Variants in ARHGAP30 observed in about 807,000 individuals in gnomAD.
The protein encoded by ARHGAP30 is Rho GTPase activating protein 30, also known as rho GTPase-activating protein 30.
Under a neutral mutation model 72.0 loss-of-function variants are expected in ARHGAP30, and 23 were observed. That is an observed-to-expected ratio of 0.32 (90% CI 0.23 to 0.45). The LOEUF (loss-of-function observed/expected upper bound fraction) is 0.45. Ranked by LOEUF, ARHGAP30 falls within the 20% of genes least tolerant of loss-of-function variation. The probability of loss-of-function intolerance (pLI) is 1.00; values close to 1 mark genes in which losing one functional copy is unlikely to be tolerated. For missense variants in ARHGAP30, 1,319 were observed against 1,383.4 expected (o/e 0.95, Z 0.74); for synonymous variants, 576 against 528.2 (o/e 1.09, Z -1.24).
rs61748975 is a variant in ARHGAP30 at position 161,048,078 on chromosome 1, C to T, written c.2943G>A (p.Gly981=). ...LDGTPGERAW[G]SRASRSSWRN... ...TCCAAGAGGATCGAGAAGCTCGGGACCCCCAAGCCCTTTCTCCAGGAGTCC... is the reference window on the plus strand; with the variant it reads ...TCCAAGAGGATCGAGAAGCTCGGGATCCCCAAGCCCTTTCTCCAGGAGTCC... Residue 981 remains glycine (G), a synonymous_variant, in exon 12 of 12, where the codon GGG becomes GGA. Coordinates refer to ENST00000368013, the MANE Select transcript of ARHGAP30 (RefSeq NM_001025598.2). 1.8e-4 allele frequency: 294 copies of T among 1,614,168 alleles called. No homozygotes were observed. The African/African-American group carries it at 3.7e-3, about 20-fold the overall frequency.
rs768765374 is a variant in ARHGAP30 at position 161,059,722 on chromosome 1, G to A, written c.98-6C>T. ...GCTCTTTAGCACCTGGGGCACTGGGGACACAGACGGGGCAGAGACATAGAA... is the reference window on the plus strand; with the variant it reads ...GCTCTTTAGCACCTGGGGCACTGGGAACACAGACGGGGCAGAGACATAGAA... On this transcript the variant is annotated splice_polypyrimidine_tract_variant and splice_region_variant and intron_variant, in intron 1 of 11. Transcript: ENST00000368013. 7 of 1,610,504 alleles carry A rather than the reference G, an allele frequency of 4.3e-6. No homozygotes were observed. The South Asian group carries it at 4.4e-5, about 10-fold the overall frequency.
In ARHGAP30 at chr1:161,047,491, G is replaced by A. The variant is rs1650934656; in HGVS notation, c.*224C>T. 2 of 386,354 alleles carry A rather than the reference G, an allele frequency of 5.2e-6. No individual in the cohort carries two copies. The highest frequency in any genetic ancestry group is 2.1e-5 in the African/African-American group (1 of 48,422). 23.9% of individuals were successfully genotyped at this position (386,354 alleles called of 1,614,324 possible). On this transcript the variant is annotated 3_prime_UTR_variant, in exon 12 of 12. Transcript: ENST00000368013. The stretch of plus-strand genomic sequence containing the variant: ...CACTCCCTGGGAACAAGATCTTGTT[G>A]ACTTTCTTGGGAATCTCCTAAGAGA...
chr1:161,049,296 C>T lies in ARHGAP30; in HGVS notation c.1725G>A (p.Leu575=), dbSNP rs372930309. ...EFSVEPPLDD[L]SLDEAQFVLA... is the part of the protein sequence containing the mutation. ...AGACAAACTGTGCCTCATCCAGAGACAGGTCATCCAGGGGTGGCTCCACAG... is the reference window on the plus strand; with the variant it reads ...AGACAAACTGTGCCTCATCCAGAGATAGGTCATCCAGGGGTGGCTCCACAG... Residue 575 remains leucine, a synonymous_variant, in exon 12 of 12, where the codon CTG becomes CTA. Coordinates refer to ENST00000368013, the MANE Select transcript of ARHGAP30 (RefSeq NM_001025598.2). 3 of 1,613,914 alleles carry T rather than the reference C, an allele frequency of 1.9e-6. No individual in the cohort carries two copies. Among genetic ancestry groups the T allele is most frequent in the African/African-American group, 1.3e-5 (1 of 74,908 alleles).
At chr1:161,059,797 T>C (rs1652180299) in intron 1 of ARHGAP30, 81 bp from the exon 2 acceptor site, 1 of 1,207,988 alleles carries the variant, frequency 8.3e-7, no homozygotes, top group Admixed American at 2.3e-5. Flanking sequence ...AGAAATGGAA[T>C]TTGGGGAGAC....
chr1:161,054,303 G>T, intron 5 of ARHGAP30, 63 bp downstream of exon 5: 24 of 1,454,780 alleles, frequency 1.6e-5, no homozygotes, highest in Non-Finnish European at 2.3e-5. Context: ...CTCATCCTGG[G>T]AGCAGCCTCC....
intron 1 of ARHGAP30, among the ~76,000 whole-genome samples, chr1:161,068,369 C>T (rs1340055328): frequency 6.6e-6 from 1 of 152,186 alleles, no homozygotes; most frequent in Non-Finnish European, 1.5e-5. Flanking sequence ...GGGGTCTGGG[C>T]TTTCCCTTAA....
chr1:161,052,679 A>C lies in ARHGAP30; in HGVS notation c.783T>G (p.Asp261Glu), dbSNP rs1247056959. The C allele has an allele frequency of 6.2e-7, 1 of 1,613,786 alleles. No homozygotes were observed. The highest frequency in any genetic ancestry group is 8.5e-7 in the Non-Finnish European group (1 of 1,179,972). Residue 261 changes from aspartate (D) to glutamate (E), a missense_variant, in exon 7 of 12, where the codon GAT becomes GAG. By Grantham distance (45) the Asp-to-Glu change is conservative. Coordinates refer to ENST00000368013, the MANE Select transcript of ARHGAP30 (RefSeq NM_001025598.2). ...GGTAGGGCCGCATCTGTGGGGGTCCATCGCCAGCCTGCAGTATGCTAGGCA... is the reference window on the plus strand; with the variant it reads ...GGTAGGGCCGCATCTGTGGGGGTCCCTCGCCAGCCTGCAGTATGCTAGGCA... ...YHLPSILQAG[D>E]GPPQMRPYHT...
chr1:161,049,334 C>T lies in ARHGAP30; in HGVS notation c.1687G>A (p.Val563Met), dbSNP rs199749953. ...GGTGGCTCCACAGAGAACTCCTCCACCTGTAGGCACAGCATTGTGACTCAG... is the reference window on the plus strand; with the variant it reads ...GGTGGCTCCACAGAGAACTCCTCCATCTGTAGGCACAGCATTGTGACTCAG... ...LEELLGVGPQ[V>M]EEFSVEPPLD... Residue 563 changes from valine to methionine, a missense_variant and splice_region_variant, in exon 12 of 12, where the codon GTG (valine) becomes ATG (methionine). Val to Met is a conservative substitution (Grantham distance 21). Around this residue, in one of 2 missense-constraint regions of ARHGAP30, gnomAD observed 1,097 missense variants for 1,045.2 expected, o/e 1.05. Transcript: ENST00000368013. 1.5e-4 allele frequency: 238 copies of T among 1,611,714 alleles called. 2 individuals are homozygous for T. In the East Asian group the frequency reaches 5.2e-3, roughly 35 times the overall value.
intron 2 of ARHGAP30, among the ~76,000 whole-genome samples, chr1:161,057,770 G>A (rs1267208198): frequency 6.6e-6 from 1 of 152,022 alleles, no homozygotes; most frequent in African/African-American, 2.4e-5. Flanking sequence ...ATCCCAACAC[G>A]TTGGGAGGCT....
intron 1 of ARHGAP30, among the ~76,000 whole-genome samples, chr1:161,064,779 A>AAAAAAGAAAG (rs1553219781): frequency 1.0e-5 from 1 of 98,068 alleles, no homozygotes; most frequent in Non-Finnish European, 2.1e-5. Flanking sequence ...GAAAGAAAGA[A>AAAAAAGAAAG]AAAGAAAGAA....
chr1:161,055,842 T>A lies in ARHGAP30; in HGVS notation c.345+546A>T, dbSNP rs1246104504. Among the ~76,000 whole-genome samples the A allele has an allele frequency of 9.4e-4, 30 of 31,822 alleles. No individual in the cohort carries two copies. In the South Asian group the frequency reaches 0.014, roughly 15 times the overall value. 20.9% of individuals were successfully genotyped at this position (31,822 alleles called of 152,430 possible). ...TAAAATAAAATAAAATAAAATAAAA[T>A]AAATAAAATAAAATAAATAAAATAA... On this transcript the variant is annotated intron_variant, in intron 3 of 11. Coordinates refer to ENST00000368013, the MANE Select transcript of ARHGAP30 (RefSeq NM_001025598.2).
rs777077782 is a variant in ARHGAP30, at chr1:161,054,607, A to G, written c.428+16T>C. The G allele has an allele frequency of 3.7e-6, 6 of 1,613,570 alleles. No homozygotes were observed. In the South Asian group the frequency reaches 4.4e-5, roughly 12 times the overall value. On this transcript the variant is annotated intron_variant, in intron 4 of 11. Coordinates refer to ENST00000368013, the MANE Select transcript of ARHGAP30 (RefSeq NM_001025598.2). ...AGTTGTCTCAGGTTGCTGGGCAGAT[A>G]TGGAGTGTCACATACCTGTAGTTTG...
chr1:161,057,891 C>T (rs188503004), intron 2 of ARHGAP30, among the ~76,000 whole-genome samples: 243 of 152,204 alleles, frequency 1.6e-3, no homozygotes, highest in African/African-American at 5.3e-3. Context: ...GTGGCTCACA[C>T]CTGTAATCCC....
Position 161,059,708 on chromosome 1 carries a change from C to A in ARHGAP30, c.106G>T (p.Val36Leu). ...ACAAATTCTGCACAGCTCTTTAGCA[C>A]CTGGGGCACTGGGGACACAGACGGG... ...LQHSGQEVPQVLKSCAEFVEE... is the reference protein window; with the variant it reads ...LQHSGQEVPQLLKSCAEFVEE... Residue 36 changes from valine to leucine, a missense_variant, in exon 2 of 12, where the codon GTG becomes TTG. Val to Leu is a conservative substitution (Grantham distance 32, BLOSUM62 1). Coordinates refer to ENST00000368013, the MANE Select transcript of ARHGAP30 (RefSeq NM_001025598.2). 6.2e-7 allele frequency: 1 copy of A among 1,612,726 alleles called. No individual in the cohort carries two copies. Among genetic ancestry groups the A allele is most frequent in the African/African-American group, 1.3e-5 (1 of 74,966 alleles).
chr1:161,066,318 T>C (rs950147640), intron 1 of ARHGAP30, among the ~76,000 whole-genome samples: 8 of 150,064 alleles, frequency 5.3e-5, no homozygotes, highest in Non-Finnish European at 8.9e-5. Flanking sequence ...ATGCCAACCA[T>C]GCCCATGCAC....
intron 3 of ARHGAP30, among the ~76,000 whole-genome samples, chr1:161,055,880 TAAAAATAAATA>T (rs1651816807): frequency 2.3e-5 from 1 of 43,390 alleles, no homozygotes; most frequent in East Asian, 4.4e-4. Context: ...TAAAATAAAA[TAAAAATAAATA>T]AAATAAAATA....
rs765153562 is a variant in ARHGAP30, at chr1:161,069,634, C to A, written c.-10G>T. On this transcript the variant is annotated 5_prime_UTR_variant, in exon 1 of 12. Coordinates refer to ENST00000368013, the MANE Select transcript of ARHGAP30 (RefSeq NM_001025598.2). The surrounding 1 kb of genome is among the most constrained non-coding windows in gnomAD (Gnocchi z 4.9). ...TCTGCCGAGACTTCATGGCCAGAGC[C>A]CCAGGGCACTGGCCCGGTCACCTCT... 1.3e-5 allele frequency: 21 copies of A among 1,608,158 alleles called. No homozygotes were observed. Among genetic ancestry groups the A allele is most frequent in the Non-Finnish European group, 1.8e-5 (21 of 1,179,964 alleles).
chr1:161,053,746 A>G (rs1420207469), intron 5 of ARHGAP30, among the ~76,000 whole-genome samples: 2 of 152,182 alleles, frequency 1.3e-5, no homozygotes, highest in Admixed American at 1.3e-4. Context: ...CAGCCAACAG[A>G]CTGCAAGACG....
At position 161,069,696 on chromosome 1, in the gene ARHGAP30, G is replaced by A; in HGVS notation, c.-72C>T. ...CCTGTGCCCTACCAGTCCCCCATGG[G>A]ATCCCAGCCAGCTGCTGGGCTTGGC... On this transcript the variant is annotated 5_prime_UTR_variant, in exon 1 of 12. Coordinates refer to ENST00000368013, the MANE Select transcript of ARHGAP30 (RefSeq NM_001025598.2). This position sits in a 1 kb window ranked among gnomAD's most constrained non-coding sequence, Gnocchi z 4.9. 1 of 1,516,076 alleles carries A rather than the reference G, an allele frequency of 6.6e-7. No homozygotes were observed. The highest frequency in any genetic ancestry group is 9.0e-7 in the Non-Finnish European group (1 of 1,106,554). The allele number at this position is 1,516,076 out of a possible 1,614,324, so 93.9% of individuals were successfully genotyped here.
Sources: gnomAD v4.1 joint callset for allele counts (sites outside exome capture counted in the v4.1 genomes callset) on GRCh38, gnomAD v4.1.1 for gene constraint, gnomAD v4.1.1 regional missense constraint, Gnocchi (gnomAD v3.1) non-coding constraint, MANE v1.5 for transcripts, NCBI Gene and HGNC (gene_info 2026-07-23, HGNC 2026-07-21) for gene names.